The following PDE8B variants were observed in gnomAD, a reference collection of about 807,000 sequenced individuals.
The protein encoded by PDE8B is phosphodiesterase 8B.
Under a neutral mutation model 101.3 loss-of-function variants are expected in PDE8B, and 26 were observed. The ratio of observed to expected loss-of-function variants is 0.26; its 90% CI spans 0.19 to 0.36. The LOEUF is 0.36. Among genes scored for constraint, PDE8B ranks in the 10% least tolerant of loss-of-function variants. PDE8B has a pLI of 1.00. For synonymous variants in PDE8B, 424 were observed against 429.3 expected (o/e 0.99, Z 0.15); for missense variants, 810 against 1,163.1 (o/e 0.70, Z 4.42).
At chr5:77,362,130 G>C (rs944066648) in intron 10 of PDE8B, among the ~76,000 whole-genome samples, 16 of 152,108 alleles carry the variant, frequency 1.1e-4, no homozygotes, top group African/African-American at 3.6e-4. Context: ...CATTGTAATG[G>C]GAAAGCAGCA....
At chr5:77,359,156 G>A (rs983880799) in intron 10 of PDE8B, among the ~76,000 whole-genome samples, 6 of 152,102 alleles carry the variant, frequency 3.9e-5, no homozygotes, top group Non-Finnish European at 5.9e-5. Context: ...ACAGGGGTGG[G>A]GGTACTGAGA....
At chr5:77,288,597 G>C (rs960601800) in intron 1 of PDE8B, among the ~76,000 whole-genome samples, 3 of 152,136 alleles carry the variant, frequency 2.0e-5, no homozygotes, top group African/African-American at 7.2e-5. Context: ...TATTTAAATA[G>C]GTGGCACAAG....
intron 10 of PDE8B, among the ~76,000 whole-genome samples, chr5:77,371,299 G>C (rs1785044038): frequency 6.6e-6 from 1 of 152,190 alleles, no homozygotes; most frequent in East Asian, 1.9e-4. Flanking sequence ...TATGGTGTCA[G>C]ATGGGATCAA....
chr5:77,182,175 C>T, the PDE8B span, among the ~76,000 whole-genome samples: 2 of 152,018 alleles, frequency 1.3e-5, no homozygotes, highest in African/African-American at 2.4e-5. Context: ...CTGGATTCCA[C>T]TCTGGCAGTA....
At chr5:77,138,785 T>C in the PDE8B span, among the ~76,000 whole-genome samples, 7 of 152,188 alleles carry the variant, frequency 4.6e-5, no homozygotes, top group Non-Finnish European at 8.8e-5. Flanking sequence ...TAAAACACTA[T>C]GTAAAGATAC....
intron 20 of PDE8B, among the ~76,000 whole-genome samples, chr5:77,423,507 A>G (rs756039265): frequency 1.3e-5 from 2 of 152,162 alleles, no homozygotes; most frequent in Non-Finnish European, 2.9e-5. Context: ...TCTTTTCTCC[A>G]CAACCTTGCC....
intron 10 of PDE8B, among the ~76,000 whole-genome samples, chr5:77,382,287 T>G (rs1328926850): frequency 1.3e-5 from 2 of 152,150 alleles, no homozygotes; most frequent in African/African-American, 2.4e-5. Context: ...AAAAAAAAAG[T>G]TGCATATATC....
chr5:77,192,868 G>C, the PDE8B span, among the ~76,000 whole-genome samples: 1 of 152,086 alleles, frequency 6.6e-6, no homozygotes, highest in Admixed American at 6.6e-5. Context: ...TTTCATTTTA[G>C]CCATTTTAGT....
At chr5:77,413,089 G>T (rs1471563209) in intron 16 of PDE8B, 22 bp from the exon 17 acceptor site, 1 of 1,601,890 alleles carries the variant, frequency 6.2e-7, no homozygotes, top group Non-Finnish European at 8.6e-7. Context: ...AATGAGCCAG[G>T]GTGGGTTTTC....
the PDE8B span, among the ~76,000 whole-genome samples, chr5:77,095,232 T>G: frequency 6.6e-6 from 1 of 152,190 alleles, no homozygotes; most frequent in Non-Finnish European, 1.5e-5. Flanking sequence ...GATGTCATCG[T>G]TGTTTGGCCC....
At chr5:77,286,132 T>C (rs893966484) in intron 1 of PDE8B, among the ~76,000 whole-genome samples, 25 of 152,212 alleles carry the variant, frequency 1.6e-4, no homozygotes, top group Non-Finnish European at 3.2e-4. Context: ...GTGAATGATA[T>C]GTTGTGGAGG....
At chr5:77,250,940 A>G (rs1188938815) in intron 1 of PDE8B, among the ~76,000 whole-genome samples, 2 of 152,252 alleles carry the variant, frequency 1.3e-5, no homozygotes, top group African/African-American at 4.8e-5. Context: ...AAAAGCACAT[A>G]GTATAGATAC....
At chr5:77,278,531 G>T (rs149787063) in intron 1 of PDE8B, among the ~76,000 whole-genome samples, 1 of 151,992 alleles carries the variant, frequency 6.6e-6, no homozygotes, top group Non-Finnish European at 1.5e-5. Flanking sequence ...GTGCAGTGGC[G>T]CGATCTTGTC....
chr5:77,314,370 C>T (rs184406749), intron 2 of PDE8B, among the ~76,000 whole-genome samples: 44 of 152,082 alleles, frequency 2.9e-4, no homozygotes, highest in Non-Finnish European at 5.7e-4. Flanking sequence ...TTTCTGTGTC[C>T]CTTGCATCTT....
chr5:77,157,000 A>G, the PDE8B span, among the ~76,000 whole-genome samples: 4 of 152,146 alleles, frequency 2.6e-5, no homozygotes, highest in African/African-American at 9.7e-5. Context: ...CCATGAGTCC[A>G]TTTCCCACTA....
the PDE8B span, among the ~76,000 whole-genome samples, chr5:77,169,101 A>C: frequency 2.6e-5 from 4 of 152,136 alleles, no homozygotes; most frequent in Admixed American, 2.0e-4. Context: ...TGTCACTTGA[A>C]CTCTTCCAGG....
At chr5:77,235,923 T>TC (rs1754585970) in intron 1 of PDE8B, among the ~76,000 whole-genome samples, 1 of 152,090 alleles carries the variant, frequency 6.6e-6, no homozygotes, top group Non-Finnish European at 1.5e-5. Flanking sequence ...ACTATAATTA[T>TC]CCCCATTTAA....
the PDE8B span, among the ~76,000 whole-genome samples, chr5:77,154,955 G>A: frequency 6.6e-6 from 1 of 152,188 alleles, no homozygotes; most frequent in Admixed American, 6.5e-5. Context: ...ATTGAGTCTG[G>A]ATGTTGCAGA....
chr5:77,424,832 TG>T (rs767306711), intron 20 of PDE8B, among the ~76,000 whole-genome samples: 2,678 of 150,022 alleles, frequency 0.018, 57 homozygotes, highest in African/African-American at 0.036. Context: ...TTTTGTTTTT[TG>T]TTTTTAATGT....
Sources: gnomAD v4.1 joint callset for allele counts (sites outside exome capture counted in the v4.1 genomes callset) on GRCh38, gnomAD v4.1.1 for gene constraint, MANE v1.5 for transcripts, NCBI Gene and HGNC (gene_info 2026-07-23, HGNC 2026-07-21) for gene names.